MAGI1: variants seen among roughly 807,000 people sequenced by gnomAD.
MAGI1 encodes the protein membrane-associated guanylate kinase, WW and PDZ domain-containing protein 1.
Under a neutral mutation model 139.9 loss-of-function variants are expected in MAGI1, and 58 were observed. The observed-to-expected ratio is 0.41, with a 90% CI of 0.34 to 0.52. The LOEUF (loss-of-function observed/expected upper bound fraction) is 0.52. MAGI1 is among the 20% of genes least tolerant of loss of function. The probability of loss-of-function intolerance (pLI) is 0.12; values close to 1 mark genes in which losing one functional copy is unlikely to be tolerated. For missense variants in MAGI1, 1,874 were observed against 1,901.6 expected (o/e 0.99, Z 0.27); for synonymous variants, 812 against 737.9 (o/e 1.10, Z -1.63).
chr3:65,525,011 T>C (rs941214940), intron 2 of MAGI1, among the ~76,000 whole-genome samples: 2 of 152,106 alleles, frequency 1.3e-5, no homozygotes, highest in Non-Finnish European at 2.9e-5. Flanking sequence ...ACCATCGAGG[T>C]TCACTTGTGC....
chr3:65,956,737 C>T (rs2064146051), intron 1 of MAGI1, among the ~76,000 whole-genome samples: 1 of 152,120 alleles, frequency 6.6e-6, no homozygotes, highest in African/African-American at 2.4e-5. Context: ...GTGGCTCACA[C>T]CTGTAATCTC....
intron 1 of MAGI1, among the ~76,000 whole-genome samples, chr3:65,828,406 C>T (rs1049625964): frequency 2.0e-5 from 3 of 152,182 alleles, no homozygotes; most frequent in African/African-American, 7.2e-5. Flanking sequence ...AATCCAGTCT[C>T]TGCACTGTTG....
intron 1 of MAGI1, among the ~76,000 whole-genome samples, chr3:65,644,403 T>C (rs1043903449): frequency 6.8e-5 from 6 of 88,756 alleles, no homozygotes; most frequent in Admixed American, 4.7e-4. Flanking sequence ...CAAAGAAGTA[T>C]AAAACCTCAG....
At chr3:65,925,343 T>C (rs1024688645) in intron 1 of MAGI1, 6 of 152,180 alleles carry the variant, frequency 3.9e-5, no homozygotes, top group Admixed American at 1.3e-4. Context: ...GTATTACTTA[T>C]ACACAAAAAG....
At chr3:65,643,311 C>T (rs531887432) in intron 1 of MAGI1, among the ~76,000 whole-genome samples, 27 of 152,316 alleles carry the variant, frequency 1.8e-4, no homozygotes, top group African/African-American at 6.0e-4. Context: ...TACTAGCAAA[C>T]ACCTCATGCC....
chr3:65,440,794 C>T (rs373072142), intron 8 of MAGI1, among the ~76,000 whole-genome samples: 5 of 150,624 alleles, frequency 3.3e-5, no homozygotes, highest in South Asian at 2.1e-4. Context: ...TATATATACA[C>T]ATATATATGT....
Position 65,472,400 on chromosome 3 carries a change from T to C in MAGI1, c.758-1916A>G, listed in dbSNP as rs140297999. Among the ~76,000 whole-genome samples the C allele has an allele frequency of 4.6e-3, 696 of 152,292 alleles. 4 individuals carry two copies. The highest frequency in any genetic ancestry group is 0.015 in the African/African-American group (644 of 41,564). On this transcript the variant is annotated intron_variant, in intron 4 of 22. Transcript: ENST00000402939. ...AGGTTTGGGGTAAGGTTCCAAAATG[T>C]ACACTTTTTAAGTACCCAGGTGATG...
chr3:65,843,862 C>T, intron 1 of MAGI1: 1 of 183,908 alleles, frequency 5.4e-6, no homozygotes, highest in South Asian at 1.1e-4. Context: ...ATGTTTGGGG[C>T]TCTTCCCCTA....
chr3:65,846,983 A>AAAAAAAAAC (rs754627111), intron 1 of MAGI1, among the ~76,000 whole-genome samples: 11,613 of 147,336 alleles, frequency 0.079, 710 homozygotes, highest in Middle Eastern at 0.15. Context: ...TTACAAAAAA[A>AAAAAAAAAC]AAAAAAAAAA....
intron 1 of MAGI1, among the ~76,000 whole-genome samples, chr3:65,649,906 T>G (rs1240783686): frequency 6.6e-6 from 1 of 152,200 alleles, no homozygotes; most frequent in Non-Finnish European, 1.5e-5. Context: ...CCTGTGGGGA[T>G]GTTAAAATGA....
intron 12 of MAGI1, among the ~76,000 whole-genome samples, chr3:65,416,441 G>C (rs1028910209): frequency 6.6e-6 from 1 of 152,128 alleles, no homozygotes. Context: ...ATTTTTCATG[G>C]CAAAGGTAAT....
intron 1 of MAGI1, among the ~76,000 whole-genome samples, chr3:65,987,894 G>C (rs187503394): frequency 3.2e-4 from 48 of 152,324 alleles, no homozygotes; most frequent in African/African-American, 1.2e-3. Flanking sequence ...ATAAAAATTA[G>C]TGTGGTAAAG....
intron 5 of MAGI1, among the ~76,000 whole-genome samples, chr3:65,461,133 C>A (rs1295385423): frequency 6.6e-6 from 1 of 152,118 alleles, no homozygotes; most frequent in Non-Finnish European, 1.5e-5. Flanking sequence ...CACCGTCTTC[C>A]ACAATGGTTG....
intron 1 of MAGI1, among the ~76,000 whole-genome samples, chr3:66,012,765 C>G (rs1321471029): frequency 8.8e-6 from 1 of 114,004 alleles, no homozygotes; most frequent in Non-Finnish European, 1.8e-5. Context: ...GACTCCATCT[C>G]AAAAAAAAAA....
intron 1 of MAGI1, among the ~76,000 whole-genome samples, chr3:65,711,238 T>C (rs1351092354): frequency 6.6e-6 from 1 of 152,132 alleles, no homozygotes; most frequent in Non-Finnish European, 1.5e-5. Context: ...TAATTACTAG[T>C]AAGAAACAAT....
intron 1 of MAGI1, among the ~76,000 whole-genome samples, chr3:65,804,760 T>C (rs1043460186): frequency 1.3e-5 from 2 of 152,016 alleles, no homozygotes; most frequent in African/African-American, 4.8e-5. Flanking sequence ...TGGAACAGAA[T>C]AGAGATCTCA....
chr3:65,970,332 G>A (rs533398899), intron 1 of MAGI1, among the ~76,000 whole-genome samples: 5 of 152,152 alleles, frequency 3.3e-5, no homozygotes, highest in East Asian at 1.9e-4. Context: ...GCCAGGGATC[G>A]GGGGTACCAG....
chr3:65,630,442 TCAGA>T (rs1240425973), intron 1 of MAGI1, among the ~76,000 whole-genome samples: 1 of 152,062 alleles, frequency 6.6e-6, no homozygotes, highest in African/African-American at 2.4e-5. Context: ...AGCATGAAGC[TCAGA>T]CAGAGGGTGG....
At chr3:65,771,679 C>A (rs949181768) in intron 1 of MAGI1, among the ~76,000 whole-genome samples, 42 of 152,212 alleles carry the variant, frequency 2.8e-4, no homozygotes, top group African/African-American at 9.6e-4. Context: ...CTAGTCAGCA[C>A]AAAAAATTTT....
Sources: gnomAD v4.1 joint callset for allele counts (sites outside exome capture counted in the v4.1 genomes callset) on GRCh38, gnomAD v4.1.1 for gene constraint, MANE v1.5 for transcripts, NCBI Gene and HGNC (gene_info 2026-07-23, HGNC 2026-07-21) for gene names.